The following LRRC4C variants were observed in gnomAD, a reference collection of about 807,000 sequenced individuals.
The protein encoded by LRRC4C is leucine-rich repeat-containing protein 4C.
Under a neutral mutation model 33.6 loss-of-function variants are expected in LRRC4C, and 5 were observed. That is an observed-to-expected ratio of 0.15 (90% CI 0.08 to 0.31). The LOEUF is 0.31. Ranked by LOEUF, LRRC4C falls within the 10% of genes least tolerant of loss-of-function variation. The pLI, the probability that LRRC4C is intolerant of heterozygous loss-of-function variation, is 1.00. For synonymous variants in LRRC4C, 329 were observed against 302.0 expected, an observed-to-expected ratio of 1.09 and a Z score of -0.93; for missense variants, 560 against 796.7, an observed-to-expected ratio of 0.70 and a Z score of 3.58.
intron 4 of LRRC4C, among the ~76,000 whole-genome samples, chr11:40,303,346 G>A (rs1354023384): frequency 1.3e-5 from 2 of 152,084 alleles, no homozygotes; most frequent in African/African-American, 4.8e-5. Context: ...CTATTTGGAG[G>A]CCATGCATAA....
At chr11:40,418,113 G>A (rs1035759275) in intron 3 of LRRC4C, among the ~76,000 whole-genome samples, 1 of 152,136 alleles carries the variant, frequency 6.6e-6, no homozygotes, top group South Asian at 2.1e-4. Flanking sequence ...TGACACAGAA[G>A]CAAATATGTG....
intron 5 of LRRC4C, among the ~76,000 whole-genome samples, chr11:40,166,386 A>G (rs1433916952): frequency 6.6e-6 from 1 of 151,850 alleles, no homozygotes; most frequent in East Asian, 1.9e-4. Context: ...TAGTATATGA[A>G]CCAGCAAACA....
chr11:41,040,762 T>C (rs1857383090), intron 1 of LRRC4C, among the ~76,000 whole-genome samples: 1 of 152,196 alleles, frequency 6.6e-6, no homozygotes, highest in South Asian at 2.1e-4. Flanking sequence ...AAGGGTTTAA[T>C]ATTGACTCAA....
At chr11:40,746,180 T>C (rs1245319341) in intron 2 of LRRC4C, among the ~76,000 whole-genome samples, 1 of 152,126 alleles carries the variant, frequency 6.6e-6, no homozygotes, top group East Asian at 1.9e-4. Flanking sequence ...GTTTCCACCA[T>C]GGACTCATGA....
intron 3 of LRRC4C, among the ~76,000 whole-genome samples, chr11:40,640,973 G>T (rs1354858121): frequency 1.5e-5 from 2 of 129,536 alleles, no homozygotes; most frequent in Admixed American, 9.6e-5. Context: ...CCTAGATTGC[G>T]CCACTGCACT....
chr11:41,090,263 A>C (rs1272462774), intron 1 of LRRC4C, among the ~76,000 whole-genome samples: 1 of 152,138 alleles, frequency 6.6e-6, no homozygotes, highest in Non-Finnish European at 1.5e-5. Context: ...AGAGAGAGGG[A>C]GTAATGAACA....
chr11:40,573,482 A>G (rs1297329791), intron 3 of LRRC4C, among the ~76,000 whole-genome samples: 4 of 152,130 alleles, frequency 2.6e-5, no homozygotes, highest in African/African-American at 9.7e-5. Flanking sequence ...TCTTCACTTC[A>G]TCAATCTTAA....
At chr11:41,079,766 T>C (rs1939425014) in intron 1 of LRRC4C, among the ~76,000 whole-genome samples, 1 of 152,178 alleles carries the variant, frequency 6.6e-6, no homozygotes, top group South Asian at 2.1e-4. Context: ...CTTAAAACTT[T>C]ATGAGGATTT....
At position 40,426,259 on chromosome 11, in the gene LRRC4C, C is replaced by CAAGGT. The variant is rs577608613; in HGVS notation, c.-269-106539_-269-106538insACCTT. Reference sequence around the variant, plus strand: ...CGATCTCCTGAACTCATGATTTGCCCACCTTGGCCTTCCAAAATGCTGGGA... The same window carrying CAAGGT: ...CGATCTCCTGAACTCATGATTTGCCCAAGGTACCTTGGCCTTCCAAAATGCTGGGA... On this transcript the variant is annotated intron_variant, in intron 3 of 6. Transcript: ENST00000528697. 2.8e-4 allele frequency among the ~76,000 whole-genome samples: 42 copies of CAAGGT among 152,190 alleles called. No individual in the cohort carries two copies. The South Asian group carries it at 8.5e-3, about 31-fold the overall frequency.
intron 3 of LRRC4C, among the ~76,000 whole-genome samples, chr11:40,349,600 G>A (rs545021888): frequency 5.9e-5 from 9 of 152,080 alleles, no homozygotes; most frequent in South Asian, 2.1e-4. Context: ...GTAGTGGAAC[G>A]GCTGGATTAT....
rs928565860 is a variant in LRRC4C, at chr11:41,372,053, C to T, written c.-496+87378G>A. Among the ~76,000 whole-genome samples the T allele has an allele frequency of 7.2e-5, 11 of 152,222 alleles. No individual in the cohort carries two copies. In the East Asian group the frequency reaches 7.7e-4, roughly 11 times the overall value. On this transcript the variant is annotated intron_variant, in intron 1 of 6. Transcript: ENST00000528697. ...TCAGGAGGCTGAGGCAGGAGAATGG[C>T]GTGAACCCCGGAGGCAGAAATTGCA...
chr11:40,365,008 A>C (rs1948144075), intron 3 of LRRC4C, among the ~76,000 whole-genome samples: 1 of 151,922 alleles, frequency 6.6e-6, no homozygotes, highest in South Asian at 2.1e-4. Flanking sequence ...TTTGGAAATA[A>C]AATTCTTAAT....
At chr11:40,319,353 G>A (rs1945729468) in intron 4 of LRRC4C, among the ~76,000 whole-genome samples, 1 of 152,124 alleles carries the variant, frequency 6.6e-6, no homozygotes, top group Non-Finnish European at 1.5e-5. Flanking sequence ...ATTTCACAGG[G>A]CAGGCTGCCA....
In LRRC4C at chr11:41,172,326, T is replaced by C. The variant is rs527576257; in HGVS notation, c.-495-238603A>G. ...GCCCTTAGAAGCCCATAAAATATTG[T>C]TCTGCATTTGCTTTCCTGACCTTTG... On this transcript the variant is annotated intron_variant, in intron 1 of 6. Coordinates refer to ENST00000528697, the MANE Select transcript of LRRC4C (RefSeq NM_001258419.2). Among the ~76,000 whole-genome samples, 13 of 149,360 alleles carry C rather than the reference T, an allele frequency of 8.7e-5. No individual in the cohort carries two copies. In the South Asian group the frequency reaches 2.7e-3, roughly 31 times the overall value.
intron 5 of LRRC4C, among the ~76,000 whole-genome samples, chr11:40,149,676 G>T (rs1398283396): frequency 3.9e-5 from 6 of 151,960 alleles, no homozygotes; most frequent in Non-Finnish European, 8.8e-5. Flanking sequence ...GTCTGGTAAG[G>T]CCCCTCTGAA....
In LRRC4C at chr11:40,933,621, A is replaced by G. The variant is rs1957734647; in HGVS notation, c.-407+14T>C. 1 of 152,050 alleles carries G rather than the reference A, an allele frequency of 6.6e-6. No individual in the cohort carries two copies. The highest frequency in any genetic ancestry group is 1.5e-5 in the Non-Finnish European group (1 of 68,012). 9.4% of individuals were successfully genotyped at this position (152,050 alleles called of 1,614,324 possible). The stretch of plus-strand genomic sequence containing the variant: ...CTTTCTACTTTTGTTTAAAGCTATT[A>G]TTGTTTCACTCACCTACATTCAGTG... On this transcript the variant is annotated intron_variant, in intron 2 of 6. Transcript: ENST00000528697.
chr11:40,700,404 G>A (rs1038500567), intron 2 of LRRC4C, among the ~76,000 whole-genome samples: 1 of 151,946 alleles, frequency 6.6e-6, no homozygotes, highest in African/African-American at 2.4e-5. Flanking sequence ...GCACCCTATG[G>A]CATAAATTAT....
At chr11:40,365,329 C>T (rs1948158644) in intron 3 of LRRC4C, among the ~76,000 whole-genome samples, 1 of 152,066 alleles carries the variant, frequency 6.6e-6, no homozygotes, top group African/African-American at 2.4e-5. Context: ...GGAGGGTACA[C>T]TAAAAATATG....
At chr11:40,675,559 C>T (rs989690146) in intron 2 of LRRC4C, among the ~76,000 whole-genome samples, 18 of 152,074 alleles carry the variant, frequency 1.2e-4, no homozygotes, top group African/African-American at 4.1e-4. Context: ...ACCATCTTCC[C>T]CTCTCACAGC....
Sources: allele counts gnomAD v4.1 joint callset (sites outside exome capture counted in the v4.1 genomes callset), GRCh38; gene constraint gnomAD v4.1.1; transcripts MANE v1.5; gene names NCBI Gene and HGNC (gene_info 2026-07-23, HGNC 2026-07-21).